Variants in SCN8A observed in about 807,000 individuals in gnomAD.
The protein encoded by SCN8A is sodium voltage-gated channel alpha subunit 8, also known as sodium channel protein type 8 subunit alpha.
A neutral mutation model predicts 184.1 loss-of-function variants in SCN8A; 30 were observed. The ratio of observed to expected loss-of-function variants is 0.16; its 90% CI spans 0.12 to 0.22. The LOEUF is 0.22. Among genes scored for constraint, SCN8A ranks in the 10% least tolerant of loss-of-function variants. The pLI is 1.00. For synonymous variants in SCN8A, 852 were observed against 907.0 expected, an observed-to-expected ratio of 0.94 and a Z score of 1.09; for missense variants, 1,057 against 2,498.9, an observed-to-expected ratio of 0.42 and a Z score of 12.30.
At chr12:51,677,474 G>A (rs1361354807) in intron 2 of SCN8A, among the ~76,000 whole-genome samples, 5 of 152,066 alleles carry the variant, frequency 3.3e-5, no homozygotes, top group African/African-American at 9.7e-5. Flanking sequence ...TAAACTAGCT[G>A]TACTGCAGTC....
intron 12 of SCN8A, among the ~76,000 whole-genome samples, chr12:51,742,587 G>T (rs1592138417): frequency 6.8e-6 from 1 of 147,410 alleles, no homozygotes; most frequent in Non-Finnish European, 1.5e-5. Flanking sequence ...TCCATTGTAT[G>T]TTTTTTTTTT....
In SCN8A at chr12:51,663,029, A is replaced by C; in HGVS notation, c.212A>C (p.Asp71Ala). 1 of 1,614,022 alleles carries C rather than the reference A, an allele frequency of 6.2e-7. No individual in the cohort carries two copies. Among genetic ancestry groups the C allele is most frequent in the Admixed American group, 1.7e-5 (1 of 60,026 alleles). The change falls in exon 2 of 27, where the codon GAC becomes GCC. Residue 71 changes from aspartate (D) to alanine (A), a missense_variant. Coordinates refer to ENST00000627620, the MANE Select transcript of SCN8A (RefSeq NM_001330260.2). ...AAGAGTTTGCCTTTCATCTACGGGG[A>C]CATCCCCCAAGGCCTGGTTGCAGTT... The part of the protein sequence containing the change: ...AGKSLPFIYG[D>A]IPQGLVAVPL...
intron 14 of SCN8A, among the ~76,000 whole-genome samples, chr12:51,752,010 A>G (rs1251243522): frequency 6.6e-6 from 1 of 152,192 alleles, no homozygotes; most frequent in Admixed American, 6.5e-5. Context: ...ATAGTACACT[A>G]CATGTAACTA....
At chr12:51,674,905 C>G (rs1941196532) in intron 2 of SCN8A, among the ~76,000 whole-genome samples, 1 of 152,172 alleles carries the variant, frequency 6.6e-6, no homozygotes, top group Admixed American at 6.5e-5. Context: ...ATCATGACAG[C>G]TAATGAGTGA....
chr12:51,768,238 CAA>C (rs1205256892), intron 16 of SCN8A: 1 of 152,038 alleles, frequency 6.6e-6, no homozygotes, highest in African/African-American at 2.4e-5. Context: ...GAGATTAAAA[CAA>C]AAATAAATAA....
intron 15 of SCN8A, among the ~76,000 whole-genome samples, chr12:51,763,394 A>G (rs1942791495): frequency 6.6e-6 from 1 of 152,200 alleles, no homozygotes; most frequent in African/African-American, 2.4e-5. Context: ...AGTGTTCAGA[A>G]CATGTTTAAG....
At position 51,810,288 on chromosome 12, in the gene SCN8A, A is replaced by G. The variant is rs1467973297; in HGVS notation, c.*2859A>G. 1 of 259,402 alleles carries G rather than the reference A, an allele frequency of 3.9e-6. No individual in the cohort carries two copies. The highest frequency in any genetic ancestry group is 8.1e-6 in the Non-Finnish European group (1 of 123,818). 16.1% of individuals were successfully genotyped at this position (259,402 alleles called of 1,614,324 possible). A position where few individuals can be genotyped will look rare whatever the true frequency, so the allele number is the denominator to read the frequency against. Reference sequence around the variant, plus strand: ...AATGTTTCCCACCTTTTTATCCTTCACCCACTGTCCTTCCACCTGCTCACT... The same window carrying G: ...AATGTTTCCCACCTTTTTATCCTTCGCCCACTGTCCTTCCACCTGCTCACT... On this transcript the variant is annotated 3_prime_UTR_variant, in exon 27 of 27. Transcript: ENST00000627620.
intron 21 of SCN8A, among the ~76,000 whole-genome samples, chr12:51,785,221 A>G: frequency 6.6e-6 from 1 of 152,208 alleles, no homozygotes; most frequent in Non-Finnish European, 1.5e-5. Flanking sequence ...AAATATGAAT[A>G]TCATTCTCCA....
chr12:51,756,700 G>T (rs909018446), intron 14 of SCN8A, among the ~76,000 whole-genome samples: 3 of 152,164 alleles, frequency 2.0e-5, no homozygotes, highest in Admixed American at 6.5e-5. Context: ...TGCCCTGCAT[G>T]GACCTCCTCG....
chr12:51,712,847 C>T (rs1343878187), intron 11 of SCN8A: 8 of 1,343,400 alleles, frequency 6.0e-6, no homozygotes, highest in Non-Finnish European at 8.6e-6. Context: ...CTGCTGCCAC[C>T]ACCTCCACCA....
intron 1 of SCN8A, among the ~76,000 whole-genome samples, chr12:51,649,691 G>A (rs1341910223): frequency 6.6e-6 from 1 of 152,302 alleles, no homozygotes; most frequent in African/African-American, 2.4e-5. Context: ...ACTGCACACA[G>A]CATGGGGACC....
rs150390085 is a variant in SCN8A, at chr12:51,699,455, C to T, written c.707-115C>T. Reference sequence around the variant, plus strand: ...TCTCATGGCATAAATATAAAGTGGCCATATTTCAAGAGTGGTGCTGTGGGG... The same window carrying T: ...TCTCATGGCATAAATATAAAGTGGCTATATTTCAAGAGTGGTGCTGTGGGG... On this transcript the variant is annotated intron_variant, in intron 6 of 26. Coordinates refer to ENST00000627620, the MANE Select transcript of SCN8A (RefSeq NM_001330260.2). The T allele has an allele frequency of 3.1e-3, 1,919 of 622,944 alleles. 9 individuals are homozygous for T. Among genetic ancestry groups the T allele is most frequent in the Non-Finnish European group, 4.4e-3 (1,594 of 361,282 alleles). 38.6% of individuals were successfully genotyped at this position (622,944 alleles called of 1,614,324 possible).
intron 20 of SCN8A, among the ~76,000 whole-genome samples, chr12:51,774,778 T>C (rs1287763709): frequency 6.6e-6 from 1 of 152,156 alleles, no homozygotes; most frequent in Non-Finnish European, 1.5e-5. Context: ...TAGTGGGATC[T>C]GTGGTCTCTC....
chr12:51,659,415 C>G (rs1162264569), intron 1 of SCN8A, among the ~76,000 whole-genome samples: 1 of 152,144 alleles, frequency 6.6e-6, no homozygotes, highest in Non-Finnish European at 1.5e-5. Context: ...ACAAAATAAG[C>G]TGTGCACTTA....
chr12:51,672,124 C>T (rs1299490454), intron 2 of SCN8A, among the ~76,000 whole-genome samples: 1 of 152,160 alleles, frequency 6.6e-6, no homozygotes, highest in African/African-American at 2.4e-5. Context: ...TCTGTAAACA[C>T]ACTCAAAGCC....
chr12:51,742,793 G>A (rs767684297), intron 12 of SCN8A, among the ~76,000 whole-genome samples: 7 of 151,930 alleles, frequency 4.6e-5, no homozygotes, highest in Non-Finnish European at 7.4e-5. Context: ...CTTTCTATCC[G>A]TATCTCTTTC....
chr12:51,750,118 A>G (rs1942573643), intron 13 of SCN8A, among the ~76,000 whole-genome samples: 1 of 152,182 alleles, frequency 6.6e-6, no homozygotes, highest in Non-Finnish European at 1.5e-5. Context: ...TGCTTTGGAA[A>G]TGACCTTTGA....
intron 12 of SCN8A, among the ~76,000 whole-genome samples, chr12:51,743,902 C>T (rs1384836429): frequency 2.0e-5 from 3 of 152,200 alleles, no homozygotes; most frequent in African/African-American, 4.8e-5. Flanking sequence ...TTGATACCAG[C>T]CTGGCCAACA....
rs143344954 is a variant in SCN8A at position 51,638,676 on chromosome 12, G to A, written c.-54-24088G>A. Among the ~76,000 whole-genome samples, 751 of 151,918 alleles carry A rather than the reference G, an allele frequency of 4.9e-3. 9 individuals are homozygous for A. The highest frequency in any genetic ancestry group is 0.01 in the Middle Eastern group (3 of 294). On this transcript the variant is annotated intron_variant, in intron 1 of 26. Coordinates refer to ENST00000627620, the MANE Select transcript of SCN8A (RefSeq NM_001330260.2). ...TAATTTTTGTATTTTTAGTAGAGAC[G>A]GGGTTTCACCATGTCGGCCAGGATG...
Sources: allele counts gnomAD v4.1 joint callset (sites outside exome capture counted in the v4.1 genomes callset), GRCh38; gene constraint gnomAD v4.1.1; transcripts MANE v1.5; gene names NCBI Gene and HGNC (gene_info 2026-07-23, HGNC 2026-07-21).